RASL12: variants seen among roughly 807,000 people sequenced by gnomAD.
The protein encoded by RASL12 is ras-like protein family member 12.
Under a neutral mutation model 22.9 loss-of-function variants are expected in RASL12, and 16 were observed. That is an observed-to-expected ratio of 0.70 (90% CI 0.47 to 1.06). The LOEUF (loss-of-function observed/expected upper bound fraction) is 1.06, where lower values mean the gene tolerates loss of function less well. Ranked by LOEUF, RASL12 falls within the 50% of genes least tolerant of loss-of-function variation. The pLI, the probability that RASL12 is intolerant of heterozygous loss-of-function variation, is 0.00. For synonymous variants in RASL12, 159 were observed against 152.2 expected, an observed-to-expected ratio of 1.04 and a Z score of -0.33; for missense variants, 306 against 353.1, an observed-to-expected ratio of 0.87 and a Z score of 1.07.
chr15:65,076,000 T>C (rs574017226), intron 1 of RASL12, among the ~76,000 whole-genome samples: 1 of 152,232 alleles, frequency 6.6e-6, no homozygotes. Context: ...AACCTGTATG[T>C]GGAAACTCTG....
intron 4 of RASL12, 56 bp downstream of exon 4, chr15:65,058,371 C>A: frequency 7.2e-7 from 1 of 1,383,238 alleles, no homozygotes; most frequent in East Asian, 2.6e-5. Flanking sequence ...TGCCACCTGA[C>A]CTTACAAGTG....
intron 1 of RASL12, among the ~76,000 whole-genome samples, chr15:65,066,240 T>C (rs113690869): frequency 1.8e-3 from 266 of 148,780 alleles, no homozygotes; most frequent in Non-Finnish European, 2.8e-3. Context: ...GACAGAAAGA[T>C]AGAAAGAAAG....
downstream of RASL12, chr15:65,053,227 G>GA: frequency 6.4e-7 from 1 of 1,573,776 alleles, no homozygotes; most frequent in South Asian, 1.2e-5. Flanking sequence ...TCAGTGGCCT[G>GA]AAACCTCTCA....
rs762891446 is a variant in RASL12, at chr15:65,058,623, G to A, written c.235-6C>T. 5 of 1,519,298 alleles carry A rather than the reference G, an allele frequency of 3.3e-6. No homozygotes were observed. Among genetic ancestry groups the A allele is most frequent in the Non-Finnish European group, 4.5e-6 (5 of 1,122,034 alleles). The allele number at this position is 1,519,298 out of a possible 1,614,324, so 94.1% of individuals were successfully genotyped here. On this transcript the variant is annotated splice_polypyrimidine_tract_variant and splice_region_variant and intron_variant, in intron 3 of 4. Coordinates refer to ENST00000220062, the MANE Select transcript of RASL12 (RefSeq NM_016563.4). ...TCGCAGTTCCTGGGGGTGTCCTGGG[G>A]TGAAGGTGAGAAGCCCCGCCGGGGG...
rs760728810 is a variant in RASL12 at position 65,053,920 on chromosome 15, C to T, written c.*979G>A. 3 of 985,844 alleles carry T rather than the reference C, an allele frequency of 3.0e-6. No individual in the cohort carries two copies. The highest frequency in any genetic ancestry group is 3.6e-6 in the Non-Finnish European group (3 of 829,968). 61.1% of individuals were successfully genotyped at this position (985,844 alleles called of 1,614,324 possible). ...ATAAGCAAAATTTTGCTTTATTAACCCAAAATGCTTTAGGTTCTAAAGTGG... is the reference window on the plus strand; with the variant it reads ...ATAAGCAAAATTTTGCTTTATTAACTCAAAATGCTTTAGGTTCTAAAGTGG... On this transcript the variant is annotated 3_prime_UTR_variant, in exon 5 of 5. Coordinates refer to ENST00000220062, the MANE Select transcript of RASL12 (RefSeq NM_016563.4).
In RASL12 at chr15:65,053,876, G is replaced by A. The variant is rs562238767; in HGVS notation, c.*1023C>T. On this transcript the variant is annotated 3_prime_UTR_variant, in exon 5 of 5. Transcript: ENST00000220062. Reference sequence around the variant, plus strand: ...GCCATGGTGTCTTGGTATAAGCTGCGGTGACACCACCAAATAACATAAGCA... The same window carrying A: ...GCCATGGTGTCTTGGTATAAGCTGCAGTGACACCACCAAATAACATAAGCA... 29 of 985,782 alleles carry A rather than the reference G, an allele frequency of 2.9e-5. No individual in the cohort carries two copies. Among genetic ancestry groups the A allele is most frequent in the African/African-American group, 1.9e-4 (11 of 57,316 alleles). The allele number at this position is 985,782 out of a possible 1,614,324, so 61.1% of individuals were successfully genotyped here.
intron 4 of RASL12, among the ~76,000 whole-genome samples, chr15:65,056,117 A>T (rs914990842): frequency 9.2e-5 from 14 of 152,108 alleles, no homozygotes; most frequent in Admixed American, 9.2e-4. Flanking sequence ...GGATGTCTAC[A>T]AGAGGGAAGA....
At chr15:65,056,225 G>A (rs1265148728) in intron 4 of RASL12, among the ~76,000 whole-genome samples, 1 of 152,162 alleles carries the variant, frequency 6.6e-6, no homozygotes, top group Non-Finnish European at 1.5e-5. Flanking sequence ...CGAGGATAAT[G>A]GCACAGCCAC....
downstream of RASL12, among the ~76,000 whole-genome samples, chr15:65,052,050 C>T (rs2086660627): frequency 1.3e-5 from 2 of 152,126 alleles, no homozygotes; most frequent in South Asian, 4.1e-4. Context: ...CTAGGGGTAC[C>T]TTGAATAAAA....
chr15:65,055,039 A>G lies in RASL12; in HGVS notation c.661T>C (p.Phe221Leu), dbSNP rs765969066. 3 of 1,613,678 alleles carry G rather than the reference A, an allele frequency of 1.9e-6. No individual in the cohort carries two copies. Among genetic ancestry groups the G allele is most frequent in the East Asian group, 4.5e-5 (2 of 44,882 alleles). The change falls in exon 5 of 5, where the codon TTC becomes CTC. Residue 221 changes from phenylalanine to leucine, a missense_variant. Phe to Leu is a conservative substitution (Grantham distance 22, BLOSUM62 0). Coordinates refer to ENST00000220062, the MANE Select transcript of RASL12 (RefSeq NM_016563.4). ...AGGTTGATGGTGGAGAGCGTGTTGA[A>G]GGTGCAGCTGGCCAGCCCATGCCGC... ...TARHGLASCTFNTLSTINLKE... is the reference protein window; with the variant it reads ...TARHGLASCTLNTLSTINLKE...
chr15:65,070,512 A>G (rs146662547), upstream of RASL12, among the ~76,000 whole-genome samples: 587 of 152,094 alleles, frequency 3.9e-3, 2 homozygotes, highest in East Asian at 0.011. Flanking sequence ...CTTACCCTCT[A>G]CCCCCAACCC....
At chr15:65,051,767 A>AAAACAAAC (rs58082384), downstream of RASL12, among the ~76,000 whole-genome samples, 3,745 of 150,452 alleles carry the variant, frequency 0.025, 142 homozygotes, top group African/African-American at 0.071. Flanking sequence ...CAAGCTGTTA[A>AAAACAAAC]AAACAAACAA....
downstream of RASL12, chr15:65,049,434 C>T (rs1408017548): frequency 6.6e-6 from 1 of 152,104 alleles, no homozygotes; most frequent in Non-Finnish European, 1.5e-5. Flanking sequence ...TTTCCCTTTT[C>T]TCCTCTCTGT....
chr15:65,073,911 G>C (rs2086948169), intron 1 of RASL12, among the ~76,000 whole-genome samples: 1 of 152,142 alleles, frequency 6.6e-6, no homozygotes, highest in African/African-American at 2.4e-5. Context: ...TATTATTTCA[G>C]GAAGCCCTTC....
In RASL12 at chr15:65,067,814, GT is replaced by G; in HGVS notation, c.21del (p.Lys7AsnfsTer30). 1 of 1,574,328 alleles carries G rather than the reference GT, an allele frequency of 6.4e-7. No homozygotes were observed. The highest frequency in any genetic ancestry group is 8.6e-7 in the Non-Finnish European group (1 of 1,163,866). MSSVFG[K>X]PRAGSGPQSA... ...CTCTGAGGCCCGCTGCCCGCGCGGG[GT>G]TTTCCAAACACCGAGGACATGGCGA... On this transcript the variant is annotated frameshift_variant, in exon 1 of 5. Coordinates refer to ENST00000220062, the MANE Select transcript of RASL12 (RefSeq NM_016563.4). LOFTEE classifies it high-confidence loss of function.
chr15:65,049,919 CAGGGG>C, downstream of RASL12: 1 of 1,006,272 alleles, frequency 9.9e-7, no homozygotes, highest in Non-Finnish European at 1.4e-6. Context: ...CTTCTCTGCC[CAGGGG>C]CCAGAACCGA....
chr15:65,053,039 A>G (rs1373903159), downstream of RASL12: 3 of 1,614,004 alleles, frequency 1.9e-6, no homozygotes, highest in Admixed American at 5.0e-5. Context: ...GGATCACAAC[A>G]GCCTAAACAA....
the RASL12 span, among the ~76,000 whole-genome samples, chr15:65,047,459 T>A: frequency 1.3e-5 from 2 of 152,154 alleles, no homozygotes; most frequent in Non-Finnish European, 2.9e-5. Context: ...AACCACACAA[T>A]ACAGGAGTGG....
intron 4 of RASL12, among the ~76,000 whole-genome samples, chr15:65,058,067 A>C (rs1414640357): frequency 6.6e-6 from 1 of 152,170 alleles, no homozygotes; most frequent in Non-Finnish European, 1.5e-5. Context: ...TCAGGAGTTC[A>C]AGACCAGCCT....
Sources: gnomAD v4.1 joint callset for allele counts (sites outside exome capture counted in the v4.1 genomes callset) on GRCh38, gnomAD v4.1.1 for gene constraint, MANE v1.5 for transcripts, NCBI Gene and HGNC (gene_info 2026-07-23, HGNC 2026-07-21) for gene names.